AFG2B: variants seen among roughly 807,000 people sequenced by gnomAD.
The protein encoded by AFG2B is AAA ATPase AFG2B.
At chr15:45,402,707 G>T in the AFG2B span, 7 of 1,568,252 alleles carry the variant, frequency 4.5e-6, no homozygotes, top group Non-Finnish European at 6.0e-6. Flanking sequence ...TCCCGGAGGA[G>T]TCTCAGCCTG....
At chr15:45,407,087 C>G in the AFG2B span, 1 of 1,289,176 alleles carries the variant, frequency 7.8e-7, no homozygotes, top group Admixed American at 2.3e-5. Flanking sequence ...GCTGTCGTCC[C>G]AGGGTGGAGC....
the AFG2B span, chr15:45,415,715 G>C: frequency 6.2e-7 from 1 of 1,614,032 alleles, no homozygotes; most frequent in Non-Finnish European, 8.5e-7. Flanking sequence ...CTGTTCTCCT[G>C]AATGAATTAG....
chr15:45,408,619 T>A, the AFG2B span, among the ~76,000 whole-genome samples: 1 of 152,218 alleles, frequency 6.6e-6, no homozygotes. Flanking sequence ...CTAACTTTTA[T>A]CAACTAGTTC....
At chr15:45,419,667 C>A in the AFG2B span, among the ~76,000 whole-genome samples, 1 of 151,998 alleles carries the variant, frequency 6.6e-6, no homozygotes, top group African/African-American at 2.4e-5. Flanking sequence ...ATTATAAACA[C>A]CCCAGAATCT....
chr15:45,403,017 G>T, the AFG2B span: 5 of 1,582,364 alleles, frequency 3.2e-6, no homozygotes, highest in East Asian at 2.3e-5. Flanking sequence ...AAGCCCAGCC[G>T]CAGCCCGAGG....
chr15:45,410,696 G>A, the AFG2B span, among the ~76,000 whole-genome samples: 8 of 152,158 alleles, frequency 5.3e-5, no homozygotes, highest in Non-Finnish European at 1.0e-4. Flanking sequence ...TTGGACTTCT[G>A]TGGATGTCTA....
the AFG2B span, chr15:45,421,322 TAAAAC>T: frequency 5.4e-5 from 40 of 744,808 alleles, no homozygotes; most frequent in East Asian, 1.9e-4. Flanking sequence ...AGTGAATAAA[TAAAAC>T]AAAACAAAAC....
the AFG2B span, among the ~76,000 whole-genome samples, chr15:45,411,952 G>C: frequency 1.3e-5 from 2 of 151,902 alleles, no homozygotes; most frequent in East Asian, 3.9e-4. Flanking sequence ...CAAAAAATTA[G>C]CCAGGCGTGG....
the AFG2B span, chr15:45,410,304 A>G: frequency 5.2e-6 from 8 of 1,540,066 alleles, no homozygotes; most frequent in African/African-American, 8.3e-5. Flanking sequence ...TTAAAAACAA[A>G]TTGTGCTATA....
the AFG2B span, chr15:45,405,594 T>C: frequency 7.9e-7 from 1 of 1,264,344 alleles, no homozygotes; most frequent in Admixed American, 2.2e-5. Flanking sequence ...GAGTACATTT[T>C]CCTTAGAACA....
At chr15:45,402,863 C>T in the AFG2B span, 2 of 1,598,616 alleles carry the variant, frequency 1.3e-6, no homozygotes, top group Admixed American at 3.3e-5. Context: ...CGACCGATCT[C>T]CCTGGGCCAC....
the AFG2B span, chr15:45,405,442 T>G: frequency 6.2e-7 from 1 of 1,614,190 alleles, no homozygotes; most frequent in Non-Finnish European, 8.5e-7. Flanking sequence ...TTGGCTATGT[T>G]GGTGCCGACC....
At chr15:45,415,458 A>T in the AFG2B span, 1 of 767,610 alleles carries the variant, frequency 1.3e-6, no homozygotes, top group Non-Finnish European at 2.0e-6. Context: ...AAATCGCATC[A>T]CTACACTCCA....
chr15:45,415,495 C>CAA, the AFG2B span: 26,446 of 812,978 alleles, frequency 0.033, no homozygotes, highest in East Asian at 0.055. Context: ...AAGACTGTCT[C>CAA]AAAAAAAAAA....
At chr15:45,412,109 A>T in the AFG2B span, among the ~76,000 whole-genome samples, 1 of 150,914 alleles carries the variant, frequency 6.6e-6, no homozygotes, top group African/African-American at 2.4e-5. Flanking sequence ...AAAAAAACAA[A>T]AACAATTTAT....
At chr15:45,407,201 T>A in the AFG2B span, 1 of 1,248,306 alleles carries the variant, frequency 8.0e-7, no homozygotes, top group Non-Finnish European at 1.0e-6. Context: ...GCAAAAAGCA[T>A]GAAGGGACAG....
chr15:45,402,972 T>C, the AFG2B span: 9 of 1,594,900 alleles, frequency 5.6e-6, no homozygotes, highest in African/African-American at 2.7e-5. Context: ...TCACCCCTCG[T>C]ACCCGCGTCA....
the AFG2B span, among the ~76,000 whole-genome samples, chr15:45,405,996 A>G: frequency 1.3e-5 from 2 of 152,104 alleles, no homozygotes; most frequent in Non-Finnish European, 2.9e-5. Flanking sequence ...AGCATATACT[A>G]CATCCATGAT....
chr15:45,403,450 G>A, the AFG2B span: 1 of 1,609,258 alleles, frequency 6.2e-7, no homozygotes, highest in Non-Finnish European at 8.5e-7. Context: ...GGTCGTGGTT[G>A]TGGGAGCCAC....
Sources: gnomAD v4.1 joint callset for allele counts (sites outside exome capture counted in the v4.1 genomes callset) on GRCh38, gnomAD v4.1.1 for gene constraint, MANE v1.5 for transcripts, NCBI Gene and HGNC (gene_info 2026-07-23, HGNC 2026-07-21) for gene names.